XRCC4: variants seen among roughly 807,000 people sequenced by gnomAD.
XRCC4 encodes the protein X-ray repair cross complementing 4, also known as DNA repair protein XRCC4.
Under a neutral mutation model 39.1 loss-of-function variants are expected in XRCC4, and 28 were observed. The ratio of observed to expected loss-of-function variants is 0.72; its 90% CI spans 0.53 to 0.98. XRCC4 has a LOEUF of 0.98. Among genes scored for constraint, XRCC4 ranks in the 50% least tolerant of loss-of-function variants. The probability of loss-of-function intolerance (pLI) is 0.00; values close to 1 mark genes in which losing one functional copy is unlikely to be tolerated. For missense variants in XRCC4, 350 were observed against 376.4 expected (o/e 0.93, Z 0.58); for synonymous variants, 123 against 126.4 (o/e 0.97, Z 0.18).
intron 1 of XRCC4, among the ~76,000 whole-genome samples, chr5:83,080,815 C>T (rs1361085613): frequency 6.6e-6 from 1 of 152,114 alleles, no homozygotes; most frequent in Non-Finnish European, 1.5e-5. Flanking sequence ...CAAAGAGTAG[C>T]TGTAAAGTGC....
At chr5:83,114,244 T>G (rs1311885563) in intron 3 of XRCC4, among the ~76,000 whole-genome samples, 1 of 152,192 alleles carries the variant, frequency 6.6e-6, no homozygotes, top group African/African-American at 2.4e-5. Flanking sequence ...CTCGGAGACA[T>G]TTCCCCCATT....
chr5:83,243,901 A>AG (rs1753005315), intron 6 of XRCC4, among the ~76,000 whole-genome samples: 1 of 152,194 alleles, frequency 6.6e-6, no homozygotes, highest in Admixed American at 6.5e-5. Flanking sequence ...GTTGATGTTC[A>AG]GGGTTCTGCA....
intron 7 of XRCC4, among the ~76,000 whole-genome samples, chr5:83,260,262 CTA>C: frequency 6.6e-6 from 1 of 151,974 alleles, no homozygotes; most frequent in Admixed American, 6.6e-5. Context: ...AATAGCCAAA[CTA>C]TGGGAAAGAA....
intron 6 of XRCC4, among the ~76,000 whole-genome samples, chr5:83,213,993 G>A (rs1751750864): frequency 6.6e-6 from 1 of 152,116 alleles, no homozygotes; most frequent in Admixed American, 6.5e-5. Flanking sequence ...AAAGGTACGT[G>A]ACAAAATCCA....
intron 3 of XRCC4, among the ~76,000 whole-genome samples, chr5:83,134,959 A>G (rs1747816089): frequency 6.6e-6 from 1 of 152,134 alleles, no homozygotes; most frequent in Admixed American, 6.5e-5. Context: ...ACCAGAAGGA[A>G]GATACTCCGG....
At chr5:83,078,563 T>A (rs936872849) in intron 1 of XRCC4, among the ~76,000 whole-genome samples, 7 of 152,252 alleles carry the variant, frequency 4.6e-5, no homozygotes, top group African/African-American at 1.4e-4. Context: ...GGCAACACAA[T>A]GATTAGAAGA....
chr5:83,150,538 G>T (rs751074738), intron 3 of XRCC4, among the ~76,000 whole-genome samples: 31 of 152,108 alleles, frequency 2.0e-4, no homozygotes, highest in Admixed American at 3.3e-4. Flanking sequence ...AAGATGAAGT[G>T]ATGCTTTCAA....
Position 83,247,524 on chromosome 5 carries a change from A to G in XRCC4, c.746-11006A>G, listed in dbSNP as rs373390952. 4.6e-5 allele frequency among the ~76,000 whole-genome samples: 7 copies of G among 152,308 alleles called. No individual in the cohort carries two copies. In the South Asian group the frequency reaches 1.5e-3, roughly 32 times the overall value. On this transcript the variant is annotated intron_variant, in intron 6 of 7. Coordinates refer to ENST00000396027, the MANE Select transcript of XRCC4 (RefSeq NM_003401.5). ...CTGTTGTCTTAGAGGAAGGAAAACA[A>G]TGAAAAATTAATTGGGAACTATCAA... is the stretch of plus-strand genomic sequence containing the variant.
chr5:83,308,724 T>C (rs1390020742), intron 7 of XRCC4, among the ~76,000 whole-genome samples: 2 of 152,212 alleles, frequency 1.3e-5, no homozygotes, highest in Admixed American at 1.3e-4. Context: ...TCTAGTTATA[T>C]TTTTAAAATA....
intron 3 of XRCC4, among the ~76,000 whole-genome samples, chr5:83,116,625 T>G (rs1489254579): frequency 2.6e-4 from 36 of 138,742 alleles, no homozygotes; most frequent in Middle Eastern, 3.5e-3. Context: ...TTTTTTTTTT[T>G]TTTTTTTTTT....
chr5:83,134,695 C>G (rs1747796809), intron 3 of XRCC4, among the ~76,000 whole-genome samples: 1 of 152,152 alleles, frequency 6.6e-6, no homozygotes, highest in Non-Finnish European at 1.5e-5. Context: ...CACTCGGGTA[C>G]CCTTGCGTGT....
intron 7 of XRCC4, among the ~76,000 whole-genome samples, chr5:83,309,141 C>T (rs575755263): frequency 1.3e-5 from 2 of 149,498 alleles, no homozygotes; most frequent in Admixed American, 6.7e-5. Flanking sequence ...TAGCCATGCA[C>T]GGTGGTGGGT....
Position 83,098,185 on chromosome 5 carries a change from A to C in XRCC4, c.-10-6725A>C, listed in dbSNP as rs1258674228. ...AGTCATGAGAGGTAATTAAGAATGG[A>C]CTGTGACCTCAACCAAGAGGCCTTA... On this transcript the variant is annotated intron_variant, in intron 1 of 7. Coordinates refer to ENST00000396027, the MANE Select transcript of XRCC4 (RefSeq NM_003401.5). 2.0e-5 allele frequency among the ~76,000 whole-genome samples: 3 copies of C among 152,098 alleles called. No homozygotes were observed. In the East Asian group the frequency reaches 5.8e-4, roughly 29 times the overall value.
chr5:83,349,623 A>C (rs1366127248), intron 7 of XRCC4, among the ~76,000 whole-genome samples: 2 of 152,208 alleles, frequency 1.3e-5, no homozygotes, highest in African/African-American at 4.8e-5. Flanking sequence ...TTTATCCTTC[A>C]GTCTGGTCAC....
chr5:83,347,445 A>G (rs1198811010), intron 7 of XRCC4, among the ~76,000 whole-genome samples: 1 of 152,148 alleles, frequency 6.6e-6, no homozygotes, highest in East Asian at 1.9e-4. Flanking sequence ...GGCAAAAGGG[A>G]AGCAGACACA....
At position 83,086,608 on chromosome 5, in the gene XRCC4, A is replaced by G. The variant is rs1044003761; in HGVS notation, c.-11+8993A>G. ...CTGTCTCTGGGCTGGCAGAGGTGGC[A>G]GAGGTGGCAGAGGTAGAGGAGGTGG... On this transcript the variant is annotated intron_variant, in intron 1 of 7. Coordinates refer to ENST00000396027, the MANE Select transcript of XRCC4 (RefSeq NM_003401.5). 2.0e-5 allele frequency among the ~76,000 whole-genome samples: 3 copies of G among 152,186 alleles called. No individual in the cohort carries two copies. The East Asian group carries it at 5.8e-4, about 29-fold the overall frequency.
chr5:83,224,393 A>G (rs2112797108), intron 6 of XRCC4, among the ~76,000 whole-genome samples: 1 of 152,240 alleles, frequency 6.6e-6, no homozygotes, highest in Middle Eastern at 3.4e-3. Flanking sequence ...TACACAAACG[A>G]CACTGTTGCT....
At chr5:83,203,746 C>CATTTAAGTGGA in intron 5 of XRCC4, 39 bp downstream of exon 5, 2 of 1,597,710 alleles carry the variant, frequency 1.3e-6, no homozygotes. Flanking sequence ...CAGATGAATA[C>CATTTAAGTGGA]ATTTAAGTGG....
chr5:83,173,567 A>T (rs1168268310), intron 3 of XRCC4, among the ~76,000 whole-genome samples: 1 of 152,168 alleles, frequency 6.6e-6, no homozygotes, highest in East Asian at 1.9e-4. Flanking sequence ...TAAAGAAGAG[A>T]TCACCAGTGA....
Sources: gnomAD v4.1 joint callset for allele counts (sites outside exome capture counted in the v4.1 genomes callset) on GRCh38, gnomAD v4.1.1 for gene constraint, MANE v1.5 for transcripts, NCBI Gene and HGNC (gene_info 2026-07-23, HGNC 2026-07-21) for gene names.